The following MATN2 variants were observed in gnomAD, a reference collection of about 807,000 sequenced individuals.
MATN2 encodes the protein matrilin-2.
MATN2 carries 69 observed loss-of-function variants against 103.2 expected under a neutral mutation model. The ratio of observed to expected loss-of-function variants is 0.67; its 90% CI spans 0.55 to 0.82. The LOEUF (loss-of-function observed/expected upper bound fraction) is 0.82, where lower values mean the gene tolerates loss of function less well. MATN2 is among the 40% of genes least tolerant of loss of function. The probability of loss-of-function intolerance (pLI) is 0.00; values close to 1 mark genes in which losing one functional copy is unlikely to be tolerated. For missense variants in MATN2, 1,023 were observed against 1,211.5 expected, an observed-to-expected ratio of 0.84 and a Z score of 2.31; for synonymous variants, 429 against 450.2, an observed-to-expected ratio of 0.95 and a Z score of 0.60.
intron 3 of MATN2, among the ~76,000 whole-genome samples, chr8:97,939,684 G>A (rs548563921): frequency 3.3e-5 from 5 of 152,312 alleles, no homozygotes; most frequent in Middle Eastern, 3.4e-3. Context: ...ATTTTAAATT[G>A]AGTGCTCATG....
At chr8:97,964,626 G>C (rs1453174657) in intron 5 of MATN2, among the ~76,000 whole-genome samples, 3 of 151,728 alleles carry the variant, frequency 2.0e-5, no homozygotes, top group African/African-American at 7.3e-5. Context: ...GTAGAGACAG[G>C]GTCTCCATAC....
chr8:97,937,411 G>A (rs943972844), intron 3 of MATN2, among the ~76,000 whole-genome samples: 4 of 152,044 alleles, frequency 2.6e-5, no homozygotes, highest in African/African-American at 9.7e-5. Flanking sequence ...AGGTAGAGGG[G>A]AACTAGAGCA....
chr8:98,021,110 A>G, intron 12 of MATN2, 95 bp from the exon 13 acceptor site: 1 of 1,249,038 alleles, frequency 8.0e-7, no homozygotes, highest in East Asian at 2.5e-5. Context: ...ATTTTCTTTA[A>G]AAGAGATTAC....
At chr8:98,026,178 CAAAAAAA>C (rs71271184) in intron 13 of MATN2, among the ~76,000 whole-genome samples, 26,510 of 109,692 alleles carry the variant, frequency 0.24, 3,054 homozygotes, top group Admixed American at 0.35. Flanking sequence ...GACTCAATCT[CAAAAAAA>C]AAAAAAAAAA....
At chr8:98,025,835 A>C (rs1046655040) in intron 13 of MATN2, 5 of 372,008 alleles carry the variant, frequency 1.3e-5, no homozygotes, top group Admixed American at 3.6e-5. Flanking sequence ...CCACACCCAA[A>C]TTGCTTAACA....
In MATN2 at chr8:97,972,629, G is replaced by A. The variant is rs191036784; in HGVS notation, c.959-6257G>A. On this transcript the variant is annotated intron_variant, in intron 5 of 18. Transcript: ENST00000254898. ...GCAGACGGAGTCCTGCTGAGAAAACGTTAGAATTGGACCAGGTTATAAAAC... is the reference window on the plus strand; with the variant it reads ...GCAGACGGAGTCCTGCTGAGAAAACATTAGAATTGGACCAGGTTATAAAAC... Among the ~76,000 whole-genome samples, 33 of 152,302 alleles carry A rather than the reference G, an allele frequency of 2.2e-4. No homozygotes were observed. In the East Asian group the frequency reaches 4.4e-3, roughly 20 times the overall value.
chr8:97,897,962 C>T (rs1264756207), intron 2 of MATN2, among the ~76,000 whole-genome samples: 3 of 151,798 alleles, frequency 2.0e-5, no homozygotes, highest in Non-Finnish European at 4.4e-5. Context: ...TACAGATCCT[C>T]TCTCTCCCCT....
chr8:98,016,178 C>T (rs182675603), intron 10 of MATN2, among the ~76,000 whole-genome samples: 3 of 152,110 alleles, frequency 2.0e-5, no homozygotes, highest in Admixed American at 6.5e-5. Flanking sequence ...CCCAGGAATT[C>T]GAGACCAGCC....
intron 6 of MATN2, among the ~76,000 whole-genome samples, chr8:97,981,459 G>T (rs1308427335): frequency 1.3e-5 from 2 of 152,010 alleles, no homozygotes; most frequent in Non-Finnish European, 2.9e-5. Context: ...ACGTGCCTGG[G>T]CTACATTTAA....
chr8:98,011,206 G>T (rs768258048), intron 10 of MATN2, among the ~76,000 whole-genome samples: 7 of 152,134 alleles, frequency 4.6e-5, no homozygotes, highest in Non-Finnish European at 1.0e-4. Context: ...AATCCTATCA[G>T]GTCAGGATCC....
chr8:97,907,478 A>AT (rs751836996), intron 2 of MATN2, among the ~76,000 whole-genome samples: 1,528 of 138,674 alleles, frequency 0.011, 22 homozygotes, highest in African/African-American at 0.029. Flanking sequence ...CAGCTGGCTA[A>AT]TTTTTTTTTT....
intron 2 of MATN2, among the ~76,000 whole-genome samples, chr8:97,892,810 G>T (rs541946988): frequency 6.6e-6 from 1 of 152,274 alleles, no homozygotes; most frequent in South Asian, 2.1e-4. Context: ...CCTCTGAAAA[G>T]GCCTCAGGGA....
At chr8:97,912,216 C>A in intron 2 of MATN2, among the ~76,000 whole-genome samples, 1 of 152,178 alleles carries the variant, frequency 6.6e-6, no homozygotes, top group East Asian at 1.9e-4. Context: ...TGAATAAATA[C>A]CATTCCACTT....
At chr8:97,882,975 G>T (rs768204620) in intron 1 of MATN2, among the ~76,000 whole-genome samples, 2 of 152,074 alleles carry the variant, frequency 1.3e-5, no homozygotes, top group African/African-American at 2.4e-5. Context: ...ACATTCTGAA[G>T]TGGGTTTATC....
At chr8:97,943,995 C>T (rs185300103) in intron 4 of MATN2, among the ~76,000 whole-genome samples, 89 of 152,306 alleles carry the variant, frequency 5.8e-4, no homozygotes, top group African/African-American at 2.0e-3. Flanking sequence ...CCTGATGTCC[C>T]CCAGATCTCA....
intron 7 of MATN2, among the ~76,000 whole-genome samples, chr8:97,998,292 G>A (rs1353959413): frequency 7.3e-5 from 11 of 150,448 alleles, no homozygotes; most frequent in South Asian, 2.1e-4. Flanking sequence ...AGGCCGAGGC[G>A]GGCGGATCAC....
chr8:97,898,513 CT>C (rs1375093987), intron 2 of MATN2, among the ~76,000 whole-genome samples: 1 of 151,298 alleles, frequency 6.6e-6, no homozygotes, highest in Admixed American at 6.6e-5. Flanking sequence ...AGGAAAATTA[CT>C]TGAACCTCGG....
chr8:98,025,782 CT>C, intron 13 of MATN2: 1 of 438,104 alleles, frequency 2.3e-6, no homozygotes, highest in Non-Finnish European at 4.5e-6. Flanking sequence ...CATTTTGGAT[CT>C]GTCCATTTTT....
intron 5 of MATN2, among the ~76,000 whole-genome samples, chr8:97,962,347 T>C (rs185613665): frequency 1.4e-4 from 22 of 152,380 alleles, no homozygotes; most frequent in Admixed American, 1.4e-3. Context: ...CCCTATTTTA[T>C]TTTGCTTCGC....
Sources: gnomAD v4.1 joint callset for allele counts (sites outside exome capture counted in the v4.1 genomes callset) on GRCh38, gnomAD v4.1.1 for gene constraint, MANE v1.5 for transcripts, NCBI Gene and HGNC (gene_info 2026-07-23, HGNC 2026-07-21) for gene names.